Variants in BMPR1A observed in about 807,000 individuals in gnomAD.
The protein encoded by BMPR1A is bone morphogenetic protein receptor type 1A, also known as bone morphogenetic protein receptor type-1A.
Under a neutral mutation model 66.0 loss-of-function variants are expected in BMPR1A, and 7 were observed. The ratio of observed to expected loss-of-function variants is 0.11; its 90% CI spans 0.06 to 0.20. The LOEUF (loss-of-function observed/expected upper bound fraction) is 0.20, where lower values mean the gene tolerates loss of function less well. BMPR1A is among the 10% of genes least tolerant of loss of function. BMPR1A has a pLI of 1.00. For missense variants in BMPR1A, 408 were observed against 669.1 expected (o/e 0.61, Z 4.31); for synonymous variants, 200 against 229.7 (o/e 0.87, Z 1.17).
intron 3 of BMPR1A, among the ~76,000 whole-genome samples, chr10:86,884,930 C>G (rs1589761161): frequency 6.6e-6 from 1 of 152,228 alleles, no homozygotes; most frequent in East Asian, 1.9e-4. Context: ...TGAAATACAT[C>G]TAACTATAAT....
At position 86,921,023 on chromosome 10, in the gene BMPR1A, C is replaced by G. The variant is rs145880800; in HGVS notation, c.1167-497C>G. 5.1e-4 allele frequency among the ~76,000 whole-genome samples: 78 copies of G among 151,900 alleles called. 1 individual carries two copies. The East Asian group carries it at 0.015, about 28-fold the overall frequency. ...GTCATGTGCCACCAACCCTGGTTAA[C>G]TTTTGTATTTTATAGAGACAGTGTT... On this transcript the variant is annotated intron_variant, in intron 10 of 12. Coordinates refer to ENST00000372037, the MANE Select transcript of BMPR1A (RefSeq NM_004329.3).
intron 1 of BMPR1A, among the ~76,000 whole-genome samples, chr10:86,767,209 A>G (rs1841179637): frequency 6.6e-6 from 1 of 152,202 alleles, no homozygotes; most frequent in Admixed American, 6.5e-5. Context: ...GAATATTAAA[A>G]AACAAAAAAT....
chr10:86,917,081 C>A, intron 8 of BMPR1A, 53 bp from the exon 9 acceptor site: 1 of 1,590,618 alleles, frequency 6.3e-7, no homozygotes, highest in Non-Finnish European at 8.6e-7. Context: ...CTTTGCCAGT[C>A]TTAATGGGTT....
chr10:86,912,529 C>A, intron 8 of BMPR1A, 145 bp downstream of exon 8: 1 of 1,018,652 alleles, frequency 9.8e-7, no homozygotes, highest in Non-Finnish European at 1.5e-6. Context: ...TGCAGTATTG[C>A]AAGGTGAAAT....
At chr10:86,786,060 T>A (rs894804744) in intron 1 of BMPR1A, among the ~76,000 whole-genome samples, 5 of 152,166 alleles carry the variant, frequency 3.3e-5, no homozygotes, top group African/African-American at 1.2e-4. Context: ...AAGAAAAATA[T>A]CTGCAAAGCT....
intron 2 of BMPR1A, among the ~76,000 whole-genome samples, chr10:86,862,203 G>A (rs1036537013): frequency 2.0e-5 from 3 of 152,224 alleles, no homozygotes; most frequent in Non-Finnish European, 4.4e-5. Context: ...GGAGAGGAGT[G>A]CTAGGCATGG....
chr10:86,804,790 GTGTTT>G (rs1415430428), intron 1 of BMPR1A, among the ~76,000 whole-genome samples: 2 of 97,500 alleles, frequency 2.1e-5, no homozygotes, highest in Admixed American at 1.0e-4. Flanking sequence ...ATGTTTGTAG[GTGTTT>G]TTTTTTTTTT....
At chr10:86,831,976 T>A (rs1842274162) in intron 1 of BMPR1A, among the ~76,000 whole-genome samples, 1 of 152,178 alleles carries the variant, frequency 6.6e-6, no homozygotes, top group Non-Finnish European at 1.5e-5. Context: ...TACTCAAGTT[T>A]TTTGTAAAGA....
intron 1 of BMPR1A, among the ~76,000 whole-genome samples, chr10:86,820,218 T>G (rs1207179249): frequency 6.6e-6 from 1 of 152,032 alleles, no homozygotes; most frequent in Non-Finnish European, 1.5e-5. Context: ...GTTTAAAAAT[T>G]TTTGGGTAGA....
chr10:86,931,298 C>CACACACACACACATATATATAT, downstream of BMPR1A: 4 of 90,920 alleles, frequency 4.4e-5, 1 homozygote, highest in African/African-American at 2.8e-4. Flanking sequence ...CACACACACA[C>CACACACACACACATATATATAT]ATATATATAT....
At chr10:86,902,028 T>G (rs565384386) in intron 7 of BMPR1A, among the ~76,000 whole-genome samples, 1 of 152,150 alleles carries the variant, frequency 6.6e-6, no homozygotes, top group South Asian at 2.1e-4. Context: ...CTGGCTAATT[T>G]TTGTATTTTT....
chr10:86,771,028 A>G (rs188424691), intron 1 of BMPR1A, among the ~76,000 whole-genome samples: 19 of 152,208 alleles, frequency 1.2e-4, no homozygotes, highest in African/African-American at 3.9e-4. Context: ...TGACCATTTG[A>G]TCTTCTCAGT....
At chr10:86,791,612 GA>G (rs960991937) in intron 1 of BMPR1A, among the ~76,000 whole-genome samples, 2,290 of 137,654 alleles carry the variant, frequency 0.017, 56 homozygotes, top group African/African-American at 0.056. Flanking sequence ...AACTAATGAA[GA>G]AAAAAAAAAA....
At chr10:86,861,015 G>C (rs965933089) in intron 2 of BMPR1A, among the ~76,000 whole-genome samples, 2 of 151,676 alleles carry the variant, frequency 1.3e-5, no homozygotes, top group Non-Finnish European at 2.9e-5. Flanking sequence ...CTAATGTTTT[G>C]TATTTTTAGT....
chr10:86,834,545 T>C lies in BMPR1A; in HGVS notation c.-267-4320T>C, dbSNP rs149011950. Among the ~76,000 whole-genome samples, 608 of 152,308 alleles carry C rather than the reference T, an allele frequency of 4.0e-3. 1 individual carries two copies. Among genetic ancestry groups the C allele is most frequent in the African/African-American group, 0.014 (581 of 41,574 alleles). On this transcript the variant is annotated intron_variant, in intron 1 of 12. Coordinates refer to ENST00000372037, the MANE Select transcript of BMPR1A (RefSeq NM_004329.3). ...TTAGTACAACTGTTTATATGTTTGGTTTTATGAGTAAAGGCATCTTGAGTT... is the reference window on the plus strand; with the variant it reads ...TTAGTACAACTGTTTATATGTTTGGCTTTATGAGTAAAGGCATCTTGAGTT...
At chr10:86,783,189 G>A (rs1328950099) in intron 1 of BMPR1A, among the ~76,000 whole-genome samples, 1 of 152,140 alleles carries the variant, frequency 6.6e-6, no homozygotes, top group Non-Finnish European at 1.5e-5. Flanking sequence ...TTTATATCTG[G>A]GCTGTCTGTT....
At position 86,926,170 on chromosome 10, in the gene BMPR1A, A is replaced by G. The variant is rs1432157965; in HGVS notation, c.*2451A>G. The G allele has an allele frequency of 6.0e-6, 1 of 165,720 alleles. No individual in the cohort carries two copies. Among genetic ancestry groups the G allele is most frequent in the African/African-American group, 2.4e-5 (1 of 41,892 alleles). The allele number at this position is 165,720 out of a possible 1,614,324, so 10.3% of individuals were successfully genotyped here. A position where few individuals can be genotyped will look rare whatever the true frequency, so the allele number is the denominator to read the frequency against. On this transcript the variant is annotated 3_prime_UTR_variant, in exon 13 of 13. Coordinates refer to ENST00000372037, the MANE Select transcript of BMPR1A (RefSeq NM_004329.3). ...AATCTTAGAAACTTGCTCAGTAAAA[A>G]CATTTTCTAGTATAACATGTTCTTT... is the stretch of plus-strand genomic sequence containing the variant.
intron 1 of BMPR1A, among the ~76,000 whole-genome samples, chr10:86,758,736 T>A (rs61858563): frequency 2.0e-5 from 3 of 152,254 alleles, no homozygotes; most frequent in Non-Finnish European, 2.9e-5. Flanking sequence ...TTTGCCTGGT[T>A]GGTGGCTAGC....
chr10:86,877,929 G>A (rs1842940217), intron 3 of BMPR1A, among the ~76,000 whole-genome samples: 1 of 152,316 alleles, frequency 6.6e-6, no homozygotes, highest in South Asian at 2.1e-4. Flanking sequence ...GGTGGAATAA[G>A]TTGGTAATTA....
Sources: gnomAD v4.1 joint callset for allele counts (sites outside exome capture counted in the v4.1 genomes callset) on GRCh38, gnomAD v4.1.1 for gene constraint, MANE v1.5 for transcripts, NCBI Gene and HGNC (gene_info 2026-07-23, HGNC 2026-07-21) for gene names.